USP3: variants seen among roughly 807,000 people sequenced by gnomAD.
The protein encoded by USP3 is ubiquitin specific peptidase 3, also known as ubiquitin carboxyl-terminal hydrolase 3.
Under a neutral mutation model 72.3 loss-of-function variants are expected in USP3, and 20 were observed. The ratio of observed to expected loss-of-function variants is 0.28; its 90% confidence interval spans 0.19 to 0.40. USP3 has a LOEUF of 0.40. Ranked by LOEUF, USP3 falls within the 10% of genes least tolerant of loss-of-function variation. The pLI is 1.00. For missense variants in USP3, 479 were observed against 633.9 expected (o/e 0.76, Z 2.62); for synonymous variants, 222 against 225.3 (o/e 0.99, Z 0.13).
At chr15:63,564,290 G>C (rs1425951067) in intron 8 of USP3, among the ~76,000 whole-genome samples, 1 of 152,120 alleles carries the variant, frequency 6.6e-6, no homozygotes, top group Non-Finnish European at 1.5e-5. Flanking sequence ...CCCCATTTTA[G>C]AGGAGACAAA....
chr15:63,522,757 CA>C (rs2065936238), intron 1 of USP3, among the ~76,000 whole-genome samples: 1 of 152,208 alleles, frequency 6.6e-6, no homozygotes, highest in African/African-American at 2.4e-5. Flanking sequence ...GAACAGTTCA[CA>C]TTAAAGAACT....
intron 5 of USP3, 178 bp downstream of exon 5, chr15:63,556,926 A>G: frequency 1.9e-6 from 1 of 526,290 alleles, no homozygotes; most frequent in South Asian, 2.5e-5. Context: ...GACCCCAGTG[A>G]GTCCATCTGT....
intron 1 of USP3, among the ~76,000 whole-genome samples, chr15:63,520,862 C>G (rs971567901): frequency 2.0e-5 from 3 of 151,820 alleles, no homozygotes; most frequent in African/African-American, 7.3e-5. Context: ...CATGCCTGGC[C>G]CCATTTTAAG....
rs2066470102 is a variant in USP3, at chr15:63,553,890, A to G, written c.368+92A>G. ...GAGTGGGGTTTTTGTTGATGAGTTTAATAACTTCATGTTTATAATATGATT... is the reference window on the plus strand; with the variant it reads ...GAGTGGGGTTTTTGTTGATGAGTTTGATAACTTCATGTTTATAATATGATT... On this transcript the variant is annotated intron_variant, in intron 4 of 14. Coordinates refer to ENST00000380324, the MANE Select transcript of USP3 (RefSeq NM_006537.4). The surrounding 1 kb of genome is among the most constrained non-coding windows in gnomAD (Gnocchi z 4.2). 5.4e-6 allele frequency: 5 copies of G among 919,772 alleles called. No individual in the cohort carries two copies. Among genetic ancestry groups the G allele is most frequent in the Admixed American group, 2.8e-5 (1 of 36,244 alleles). 57.0% of individuals were successfully genotyped at this position (919,772 alleles called of 1,614,324 possible). A position where few individuals can be genotyped will look rare whatever the true frequency, so the allele number is the denominator to read the frequency against.
chr15:63,516,949 T>G (rs1436966803), intron 1 of USP3, among the ~76,000 whole-genome samples: 1 of 151,650 alleles, frequency 6.6e-6, no homozygotes, highest in African/African-American at 2.4e-5. Context: ...CTGGAACTCT[T>G]ATTAGTTGGA....
intron 3 of USP3, among the ~76,000 whole-genome samples, chr15:63,539,935 C>T (rs549771473): frequency 6.6e-6 from 1 of 152,174 alleles, no homozygotes; most frequent in South Asian, 2.1e-4. Flanking sequence ...GATGAAGAAA[C>T]AGATTTCCTA....
intron 11 of USP3, among the ~76,000 whole-genome samples, chr15:63,587,346 G>T (rs1057462824): frequency 6.6e-6 from 1 of 152,062 alleles, no homozygotes; most frequent in Non-Finnish European, 1.5e-5. Context: ...AGAATAACGT[G>T]TATTTTATAT....
chr15:63,508,771 G>C (rs1215302150), intron 1 of USP3, among the ~76,000 whole-genome samples: 1 of 152,178 alleles, frequency 6.6e-6, no homozygotes, highest in Non-Finnish European at 1.5e-5. Flanking sequence ...TTGAACTTGA[G>C]GGTTTGGGTT....
chr15:63,512,599 C>T (rs2065805517), intron 1 of USP3, among the ~76,000 whole-genome samples: 1 of 152,018 alleles, frequency 6.6e-6, no homozygotes, highest in Non-Finnish European at 1.5e-5. Flanking sequence ...CAGCCACCAC[C>T]ATGCCTGGCT....
intron 1 of USP3, among the ~76,000 whole-genome samples, chr15:63,530,298 C>T (rs2152657831): frequency 7.1e-6 from 1 of 141,178 alleles, no homozygotes; most frequent in African/African-American, 2.5e-5. Flanking sequence ...TCCCTCCCTT[C>T]CTTCCTTCCT....
chr15:63,532,765 G>T (rs1331580653), intron 2 of USP3, 58 bp downstream of exon 2: 1 of 1,567,236 alleles, frequency 6.4e-7, no homozygotes, highest in East Asian at 2.2e-5. Context: ...TTGTCTTTAA[G>T]CTTTATGTCA....
At chr15:63,506,342 T>C (rs1025415749) in intron 1 of USP3, among the ~76,000 whole-genome samples, 10 of 144,864 alleles carry the variant, frequency 6.9e-5, no homozygotes, top group Non-Finnish European at 1.5e-4. Context: ...TAATTGTAAC[T>C]TAATTTTTTT....
In USP3 at chr15:63,537,687, A is replaced by AT. The variant is rs539094440; in HGVS notation, c.284+537dup. On this transcript the variant is annotated intron_variant, in intron 3 of 14. Coordinates refer to ENST00000380324, the MANE Select transcript of USP3 (RefSeq NM_006537.4). ...AATTTGGTACGTAGCTTTCCAGGCTATTTTTTCTTTTTTTTGAGACAGAGT... is the reference window on the plus strand; with the variant it reads ...AATTTGGTACGTAGCTTTCCAGGCTATTTTTTTCTTTTTTTTGAGACAGAGT... 3.9e-4 allele frequency among the ~76,000 whole-genome samples: 59 copies of AT among 151,852 alleles called. 2 individuals carry two copies. In the South Asian group the frequency reaches 0.012, roughly 32 times the overall value.
chr15:63,528,894 G>A lies in USP3; in HGVS notation c.92-3753G>A. 1.6e-6 allele frequency: 1 copy of A among 616,232 alleles called. No individual in the cohort carries two copies. Among genetic ancestry groups the A allele is most frequent in the Non-Finnish European group, 2.4e-6 (1 of 421,722 alleles). The allele number at this position is 616,232 out of a possible 1,614,324, so 38.2% of individuals were successfully genotyped here. A position where few individuals can be genotyped will look rare whatever the true frequency, so the allele number is the denominator to read the frequency against. Reference sequence around the variant, plus strand: ...TCAGTCTATTTTATATTTGTCCTGGGTACATTAAAGGTTCTTAATTTGGAT... The same window carrying A: ...TCAGTCTATTTTATATTTGTCCTGGATACATTAAAGGTTCTTAATTTGGAT... On this transcript the variant is annotated intron_variant, in intron 1 of 14. Transcript: ENST00000380324. This position sits in a 1 kb window ranked among gnomAD's most constrained non-coding sequence, Gnocchi z 4.3.
At chr15:63,590,628 G>GTTCTT (rs765072135) in intron 14 of USP3, 33 bp from the exon 15 acceptor site, 7 of 1,494,572 alleles carry the variant, frequency 4.7e-6, no homozygotes, top group Middle Eastern at 1.8e-4. Flanking sequence ...GATTTCTGAG[G>GTTCTT]TTCTTTTTTC....
At chr15:63,575,241 T>A (rs926698522) in intron 11 of USP3, among the ~76,000 whole-genome samples, 1 of 151,436 alleles carries the variant, frequency 6.6e-6, no homozygotes, top group Non-Finnish European at 1.5e-5. Flanking sequence ...AAAATTAAAT[T>A]AATTAAAATT....
intron 14 of USP3, among the ~76,000 whole-genome samples, chr15:63,589,456 A>G (rs568656254): frequency 3.9e-5 from 6 of 152,296 alleles, no homozygotes; most frequent in African/African-American, 1.2e-4. Flanking sequence ...GAGAGTGGCT[A>G]TTTTACCTTC....
chr15:63,540,825 A>G (rs2152663589), intron 3 of USP3, among the ~76,000 whole-genome samples: 1 of 152,336 alleles, frequency 6.6e-6, no homozygotes, highest in Middle Eastern at 3.4e-3. Context: ...ATGAAAGGTA[A>G]ATTAAGATTT....
rs2067237857 is a variant in USP3 at position 63,593,339 on chromosome 15, T to G, written c.*2513T>G. ...GTCTCCTTTGATCTTGCAAAGTATC[T>G]CCTATGAATCCGGGCTCTTTTGCTT... On this transcript the variant is annotated 3_prime_UTR_variant, in exon 15 of 15. Transcript: ENST00000380324. The G allele has an allele frequency of 6.6e-6, 1 of 152,230 alleles. No homozygotes were observed. Among genetic ancestry groups the G allele is most frequent in the African/African-American group, 2.4e-5 (1 of 41,438 alleles). The allele number at this position is 152,230 out of a possible 1,614,324, so 9.4% of individuals were successfully genotyped here.
Sources: allele counts gnomAD v4.1 joint callset (sites outside exome capture counted in the v4.1 genomes callset), GRCh38; gene constraint gnomAD v4.1.1; non-coding constraint Gnocchi (gnomAD v3.1); transcripts MANE v1.5; gene names NCBI Gene and HGNC (gene_info 2026-07-23, HGNC 2026-07-21).